ARHGAP10: variants seen among roughly 807,000 people sequenced by gnomAD.
The protein encoded by ARHGAP10 is Rho GTPase activating protein 10.
Under a neutral mutation model 108.6 loss-of-function variants are expected in ARHGAP10, and 87 were observed. The observed-to-expected ratio is 0.80, with a 90% CI of 0.67 to 0.96. The LOEUF is 0.96. Ranked by LOEUF, ARHGAP10 falls within the 40% of genes least tolerant of loss-of-function variation. The pLI is 0.00. For missense variants in ARHGAP10, 939 were observed against 954.5 expected, an observed-to-expected ratio of 0.98 and a Z score of 0.21; for synonymous variants, 347 against 341.1, an observed-to-expected ratio of 1.02 and a Z score of -0.19.
At chr4:148,029,627 A>G (rs941590956) in intron 19 of ARHGAP10, among the ~76,000 whole-genome samples, 1 of 152,218 alleles carries the variant, frequency 6.6e-6, no homozygotes, top group Non-Finnish European at 1.5e-5. Context: ...AGACCTTTGC[A>G]TTAAGATGGG....
At chr4:147,927,214 C>A (rs1227822516) in intron 13 of ARHGAP10, among the ~76,000 whole-genome samples, 1 of 152,154 alleles carries the variant, frequency 6.6e-6, no homozygotes, top group East Asian at 1.9e-4. Flanking sequence ...TTTGAGAGTA[C>A]TGTAGGAAAG....
chr4:148,045,853 G>A (rs1370623071), intron 19 of ARHGAP10, among the ~76,000 whole-genome samples: 1 of 151,808 alleles, frequency 6.6e-6, no homozygotes, highest in Non-Finnish European at 1.5e-5. Flanking sequence ...TGGGAGTGAG[G>A]AAACGTGAAG....
At chr4:147,951,634 A>T (rs1225145525) in intron 15 of ARHGAP10, among the ~76,000 whole-genome samples, 1 of 151,968 alleles carries the variant, frequency 6.6e-6, no homozygotes, top group Non-Finnish European at 1.5e-5. Flanking sequence ...TTAAAAAAAA[A>T]TAGAAACAGG....
chr4:148,063,840 C>T lies in ARHGAP10; in HGVS notation c.2180+540C>T, dbSNP rs184627882. Among the ~76,000 whole-genome samples the T allele has an allele frequency of 1.1e-4, 17 of 152,322 alleles. No individual in the cohort carries two copies. The East Asian group carries it at 1.5e-3, about 14-fold the overall frequency. ...GCATGGTTTCCGTCCTTTCCATGAA[C>T]GGACACAGAGGTTGCTTTAACAAAT... is the stretch of plus-strand genomic sequence containing the variant. On this transcript the variant is annotated intron_variant, in intron 21 of 22. Transcript: ENST00000336498.
rs1430947499 is a variant in ARHGAP10, at chr4:147,955,315, G to C, written c.1392-1G>C. On this transcript the variant is annotated splice_acceptor_variant, in intron 15 of 22. Transcript: ENST00000336498. LOFTEE classifies it high-confidence loss of function. ...AATTCTGAGCTGTTCTTTTCACACAGGAGTCTTCCAGAGCCTCTCATGACC... is the reference window on the plus strand; with the variant it reads ...AATTCTGAGCTGTTCTTTTCACACACGAGTCTTCCAGAGCCTCTCATGACC... 6.2e-7 allele frequency: 1 copy of C among 1,609,920 alleles called. No individual in the cohort carries two copies.
intron 13 of ARHGAP10, among the ~76,000 whole-genome samples, chr4:147,929,394 T>C (rs1220384908): frequency 6.6e-6 from 1 of 152,220 alleles, no homozygotes; most frequent in Non-Finnish European, 1.5e-5. Context: ...CATTTTAATA[T>C]AAATACACAT....
intron 18 of ARHGAP10, among the ~76,000 whole-genome samples, chr4:147,977,451 G>A (rs1349668461): frequency 6.6e-6 from 1 of 152,068 alleles, no homozygotes; most frequent in Non-Finnish European, 1.5e-5. Context: ...TGTCTTTTTT[G>A]TATCTCTCAA....
At chr4:147,978,389 T>C (rs1202318097) in intron 18 of ARHGAP10, among the ~76,000 whole-genome samples, 2 of 152,116 alleles carry the variant, frequency 1.3e-5, no homozygotes, top group African/African-American at 2.4e-5. Flanking sequence ...GATGGTGATA[T>C]GGTTTGGCTC....
intron 18 of ARHGAP10, among the ~76,000 whole-genome samples, chr4:148,010,424 A>G (rs2149653545): frequency 6.6e-6 from 1 of 152,334 alleles, no homozygotes; most frequent in South Asian, 2.1e-4. Flanking sequence ...GAATAAAACT[A>G]TCAACCTTGT....
intron 4 of ARHGAP10, chr4:147,854,660 A>C (rs1027565318): frequency 3.4e-5 from 33 of 974,132 alleles, no homozygotes; most frequent in South Asian, 1.4e-4. Context: ...TTCCTTTGAA[A>C]TTTGTATCAT....
At chr4:148,063,095 G>C (rs777767096) in intron 20 of ARHGAP10, 53 bp from the exon 21 acceptor site, 1 of 1,595,288 alleles carries the variant, frequency 6.3e-7, no homozygotes, top group East Asian at 2.2e-5. Context: ...TGTGCATTTC[G>C]TGTTCTGTGG....
At chr4:148,055,376 C>A (rs1182711785) in intron 20 of ARHGAP10, among the ~76,000 whole-genome samples, 1 of 152,116 alleles carries the variant, frequency 6.6e-6, no homozygotes, top group Non-Finnish European at 1.5e-5. Flanking sequence ...TCTCCCTGAC[C>A]GCCTACCTCC....
chr4:147,812,818 C>T (rs1732085159), intron 1 of ARHGAP10, among the ~76,000 whole-genome samples: 1 of 152,134 alleles, frequency 6.6e-6, no homozygotes, highest in Admixed American at 6.5e-5. Context: ...GACTTCTGTG[C>T]CCCTTCTTAT....
chr4:147,793,388 T>C (rs1349543240), intron 1 of ARHGAP10, among the ~76,000 whole-genome samples: 1 of 151,364 alleles, frequency 6.6e-6, no homozygotes, highest in Admixed American at 6.6e-5. Flanking sequence ...GATGTGCCAG[T>C]GAAGAAAGAA....
intron 19 of ARHGAP10, among the ~76,000 whole-genome samples, chr4:148,033,964 G>A (rs534641900): frequency 1.8e-4 from 27 of 152,232 alleles, no homozygotes; most frequent in African/African-American, 6.0e-4. Flanking sequence ...TTATTGAATG[G>A]TTGACTTGCT....
intron 18 of ARHGAP10, among the ~76,000 whole-genome samples, chr4:147,988,599 A>G (rs985832384): frequency 1.3e-5 from 2 of 152,194 alleles, no homozygotes; most frequent in African/African-American, 4.8e-5. Context: ...ACACACCAAA[A>G]AGTGTACACT....
intron 19 of ARHGAP10, among the ~76,000 whole-genome samples, chr4:148,042,509 A>G (rs554315706): frequency 1.1e-4 from 16 of 152,140 alleles, no homozygotes; most frequent in Non-Finnish European, 1.6e-4. Context: ...CAGTTTTGAT[A>G]CTTTCTCGAC....
At chr4:147,953,378 C>T (rs1210735293) in intron 15 of ARHGAP10, among the ~76,000 whole-genome samples, 1 of 151,994 alleles carries the variant, frequency 6.6e-6, no homozygotes, top group Non-Finnish European at 1.5e-5. Context: ...AGAATTCATT[C>T]AGTGACATCA....
intron 1 of ARHGAP10, among the ~76,000 whole-genome samples, chr4:147,741,786 A>ACG (rs1553944861): frequency 1.1e-3 from 23 of 20,060 alleles, no homozygotes; most frequent in African/African-American, 1.7e-3. Context: ...ACACACACAC[A>ACG]CACACGCACA....
Sources: gnomAD v4.1 joint callset for allele counts (sites outside exome capture counted in the v4.1 genomes callset) on GRCh38, gnomAD v4.1.1 for gene constraint, MANE v1.5 for transcripts, NCBI Gene and HGNC (gene_info 2026-07-23, HGNC 2026-07-21) for gene names.